The following FGF8 variants were observed in gnomAD, a reference collection of about 807,000 sequenced individuals.
The protein encoded by FGF8 is androgen-induced growth factor.
Under a neutral mutation model 29.7 loss-of-function variants are expected in FGF8, and 12 were observed. The ratio of observed to expected loss-of-function variants is 0.40; its 90% CI spans 0.26 to 0.65. FGF8 has a LOEUF of 0.65. Among genes scored for constraint, FGF8 ranks in the 30% least tolerant of loss-of-function variants. The pLI, the probability that FGF8 is intolerant of heterozygous loss-of-function variation, is 0.37. For missense variants in FGF8, 271 were observed against 345.1 expected, an observed-to-expected ratio of 0.79 and a Z score of 1.70; for synonymous variants, 157 against 144.4, an observed-to-expected ratio of 1.09 and a Z score of -0.63.
Position 101,775,892 on chromosome 10 carries a change from G to C in FGF8, c.9C>G (p.Ser3Arg). The part of the protein sequence containing the change: MG[S>R]PRSALSCLLL... ...ACAGGCAGCTCAGCGCGGAGCGGGGGCTGCCCATGGCGCGCGGCCCCGGGG... is the reference window on the plus strand; with the variant it reads ...ACAGGCAGCTCAGCGCGGAGCGGGGCCTGCCCATGGCGCGCGGCCCCGGGG... The change falls in exon 1 of 6, where the codon AGC (serine) becomes AGG (arginine). Residue 3 changes from serine to arginine, a missense_variant. By Grantham distance (110) the Ser-to-Arg change is moderately radical (BLOSUM62 -1). Around this residue, in one of 3 missense-constraint regions of FGF8, gnomAD observed 168 missense variants for 207.0 expected, o/e 0.81. Transcript: ENST00000320185. This position sits in a 1 kb window ranked among gnomAD's most constrained non-coding sequence, Gnocchi z 4.6. 2.3e-6 allele frequency: 3 copies of C among 1,305,394 alleles called. No homozygotes were observed. The highest frequency in any genetic ancestry group is 2.9e-6 in the Non-Finnish European group (3 of 1,035,206). The allele number at this position is 1,305,394 out of a possible 1,614,324, so 80.9% of individuals were successfully genotyped here. A position where few individuals can be genotyped will look rare whatever the true frequency, so the allele number is the denominator to read the frequency against.
At chr10:101,778,595 C>A (rs1483229045), upstream of FGF8, among the ~76,000 whole-genome samples, 1 of 152,254 alleles carries the variant, frequency 6.6e-6, no homozygotes, top group Non-Finnish European at 1.5e-5. Flanking sequence ...CTGTGCTGGA[C>A]CAGGATTCCT....
rs1244707575 is a variant in FGF8, at chr10:101,775,384, C to T, written c.70-168G>A. Among the ~76,000 whole-genome samples, 1 of 152,154 alleles carries T rather than the reference C, an allele frequency of 6.6e-6. No homozygotes were observed. The highest frequency in any genetic ancestry group is 1.5e-5 in the Non-Finnish European group (1 of 67,996). Reference sequence around the variant, plus strand: ...CCGAGGGGCGCTGAGAGGGTCTCTGCTGCAGTCACCCGGCTTCCCCTGGCA... The same window carrying T: ...CCGAGGGGCGCTGAGAGGGTCTCTGTTGCAGTCACCCGGCTTCCCCTGGCA... On this transcript the variant is annotated intron_variant, in intron 2 of 5. Coordinates refer to ENST00000320185, the MANE Select transcript of FGF8 (RefSeq NM_033163.5). The surrounding 1 kb of genome is among the most constrained non-coding windows in gnomAD (Gnocchi z 4.6).
At chr10:101,774,508 T>G (rs1250166272) in intron 4 of FGF8, among the ~76,000 whole-genome samples, 1 of 151,990 alleles carries the variant, frequency 6.6e-6, no homozygotes, top group South Asian at 2.1e-4. Context: ...TAAAGGGAGA[T>G]TCCTAGATTC....
At chr10:101,778,754 C>CGTGACTGACAGA (rs1466445520), upstream of FGF8, among the ~76,000 whole-genome samples, 12 of 152,224 alleles carry the variant, frequency 7.9e-5, no homozygotes, top group African/African-American at 2.7e-4. Context: ...TGGCACGCCC[C>CGTGACTGACAGA]GTGACTGACA....
chr10:101,771,553 C>T lies in FGF8; in HGVS notation c.354G>A (p.Glu118=). ...DGDPFAKLIV[E]TDTFGSRVRV... Reference sequence around the variant, plus strand: ...GAACTCTGCTTCCAAAGGTGTCCGTCTCCACGATGAGCTTTGCTGTCAGAG... The same window carrying T: ...GAACTCTGCTTCCAAAGGTGTCCGTTTCCACGATGAGCTTTGCTGTCAGAG... The change falls in exon 5 of 6, where the codon GAG becomes GAA. Residue 118 remains glutamate, a synonymous_variant. Coordinates refer to ENST00000320185, the MANE Select transcript of FGF8 (RefSeq NM_033163.5). This position sits in a 1 kb window ranked among gnomAD's most constrained non-coding sequence, Gnocchi z 5.3. 6.2e-7 allele frequency: 1 copy of T among 1,614,146 alleles called. No homozygotes were observed. The highest frequency in any genetic ancestry group is 2.2e-5 in the East Asian group (1 of 44,878).
rs1319617730 is a variant in FGF8 at position 101,775,904 on chromosome 10, G to A, written c.-4C>T. The A allele has an allele frequency of 3.1e-6, 4 of 1,271,292 alleles. No individual in the cohort carries two copies. Among genetic ancestry groups the A allele is most frequent in the South Asian group, 2.9e-5 (1 of 34,988 alleles). 78.8% of individuals were successfully genotyped at this position (1,271,292 alleles called of 1,614,324 possible). ...GCGCGGAGCGGGGGCTGCCCATGGC[G>A]CGCGGCCCCGGGGCACCGAGAGCCC... On this transcript the variant is annotated 5_prime_UTR_variant, in exon 1 of 6. Transcript: ENST00000320185. This position sits in a 1 kb window ranked among gnomAD's most constrained non-coding sequence, Gnocchi z 4.6.
upstream of FGF8, among the ~76,000 whole-genome samples, chr10:101,776,805 C>T (rs1321034695): frequency 6.6e-6 from 1 of 151,874 alleles, no homozygotes; most frequent in Non-Finnish European, 1.5e-5. Context: ...AAATGCCTCC[C>T]CCTCCCCCCA....
In FGF8 at chr10:101,771,625, A is replaced by G; in HGVS notation, c.338-56T>C. ...GCAGATCCCTGACCCCAGCTGGCCC[A>G]CACACTTGTCACAGCCCAGCAGCAA... is the stretch of plus-strand genomic sequence containing the variant. On this transcript the variant is annotated intron_variant, in intron 4 of 5. Transcript: ENST00000320185. This position sits in a 1 kb window ranked among gnomAD's most constrained non-coding sequence, Gnocchi z 5.3. The G allele has an allele frequency of 7.1e-7, 1 of 1,418,280 alleles. No homozygotes were observed. Among genetic ancestry groups the G allele is most frequent in the Non-Finnish European group, 1.0e-6 (1 of 1,004,488 alleles). 87.9% of individuals were successfully genotyped at this position (1,418,280 alleles called of 1,614,324 possible). A position where few individuals can be genotyped will look rare whatever the true frequency, so the allele number is the denominator to read the frequency against.
At chr10:101,776,493 G>A (rs1331036941), upstream of FGF8, among the ~76,000 whole-genome samples, 1 of 151,908 alleles carries the variant, frequency 6.6e-6, no homozygotes, top group Non-Finnish European at 1.5e-5. Flanking sequence ...CTGCGGGCCG[G>A]GAGACCCCGA....
At position 101,772,484 on chromosome 10, in the gene FGF8, A is replaced by G. The variant is rs1181553703; in HGVS notation, c.338-915T>C. Among the ~76,000 whole-genome samples the G allele has an allele frequency of 6.6e-6, 1 of 152,028 alleles. No individual in the cohort carries two copies. The highest frequency in any genetic ancestry group is 2.4e-5 in the African/African-American group (1 of 41,388). On this transcript the variant is annotated intron_variant, in intron 4 of 5. Transcript: ENST00000320185. The surrounding 1 kb of genome is among the most constrained non-coding windows in gnomAD (Gnocchi z 4.4). ...CCTCCCCTTAGACAGCCAACTTGCC[A>G]CAGAAGCCTGTCCTGTTCACCTCTC...
upstream of FGF8, among the ~76,000 whole-genome samples, chr10:101,778,373 C>A (rs1340699816): frequency 6.6e-6 from 1 of 152,220 alleles, no homozygotes; most frequent in African/African-American, 2.4e-5. Flanking sequence ...TGGGTACCTG[C>A]CCCTCCCTGG....
At chr10:101,770,746 C>T in intron 5 of FGF8, 127 bp from the exon 6 acceptor site, 1 of 994,554 alleles carries the variant, frequency 1.0e-6, no homozygotes, top group South Asian at 1.4e-5. Flanking sequence ...AGCCCCACCC[C>T]CTGCCTGGGC....
chr10:101,776,383 G>A (rs1193196788), upstream of FGF8, among the ~76,000 whole-genome samples: 1 of 151,096 alleles, frequency 6.6e-6, no homozygotes, highest in Admixed American at 6.6e-5. Context: ...GGAGGGGCGG[G>A]GGCGGCCGGT....
In FGF8 at chr10:101,775,482, G is replaced by A. The variant is rs2065076651; in HGVS notation, c.69+258C>T. ...GGTGTTCCCTATGCCCCCAGCCGGC[G>A]AGGATGCATGGGGGACAGTGCTGGG... On this transcript the variant is annotated intron_variant, in intron 2 of 5. Coordinates refer to ENST00000320185, the MANE Select transcript of FGF8 (RefSeq NM_033163.5). This position sits in a 1 kb window ranked among gnomAD's most constrained non-coding sequence, Gnocchi z 4.6. 2 of 603,890 alleles carry A rather than the reference G, an allele frequency of 3.3e-6. No individual in the cohort carries two copies. Among genetic ancestry groups the A allele is most frequent in the South Asian group, 2.0e-5 (1 of 50,580 alleles). 37.4% of individuals were successfully genotyped at this position (603,890 alleles called of 1,614,324 possible).
In FGF8 at chr10:101,775,910, C is replaced by T. The variant is rs2065084972; in HGVS notation, c.-10G>A. On this transcript the variant is annotated 5_prime_UTR_variant, in exon 1 of 6. Transcript: ENST00000320185. This position sits in a 1 kb window ranked among gnomAD's most constrained non-coding sequence, Gnocchi z 4.6. ...AGCGGGGGCTGCCCATGGCGCGCGG[C>T]CCCGGGGCACCGAGAGCCCGGCGGG... 1 of 1,238,670 alleles carries T rather than the reference C, an allele frequency of 8.1e-7. No homozygotes were observed. The highest frequency in any genetic ancestry group is 1.0e-6 in the Non-Finnish European group (1 of 996,376). 76.7% of individuals were successfully genotyped at this position (1,238,670 alleles called of 1,614,324 possible). A position where few individuals can be genotyped will look rare whatever the true frequency, so the allele number is the denominator to read the frequency against.
At position 101,775,007 on chromosome 10, in the gene FGF8, C is replaced by T. The variant is rs188846574; in HGVS notation, c.157-95G>A. The T allele has an allele frequency of 3.4e-4, 519 of 1,528,990 alleles. 2 individuals carry two copies. In the African/African-American group the frequency reaches 6.1e-3, roughly 18 times the overall value. 94.7% of individuals were successfully genotyped at this position (1,528,990 alleles called of 1,614,324 possible). On this transcript the variant is annotated intron_variant, in intron 3 of 5. Coordinates refer to ENST00000320185, the MANE Select transcript of FGF8 (RefSeq NM_033163.5). This position sits in a 1 kb window ranked among gnomAD's most constrained non-coding sequence, Gnocchi z 4.6. ...ATCACCCTGCGTCCCCCTCACTGCC[C>T]CAAGCCGCCAGCAGGTGCTGGGGGT...
chr10:101,775,828 C>CGCGGGGG lies in FGF8; in HGVS notation c.32+34_32+40dup, dbSNP rs1413657199. The CGCGGGGG allele has an allele frequency of 8.1e-7, 1 of 1,232,228 alleles. No homozygotes were observed. Among genetic ancestry groups the CGCGGGGG allele is most frequent in the Non-Finnish European group, 1.1e-6 (1 of 904,752 alleles). The allele number at this position is 1,232,228 out of a possible 1,614,324, so 76.3% of individuals were successfully genotyped here. On this transcript the variant is annotated intron_variant, in intron 1 of 5. Coordinates refer to ENST00000320185, the MANE Select transcript of FGF8 (RefSeq NM_033163.5). The surrounding 1 kb of genome is among the most constrained non-coding windows in gnomAD (Gnocchi z 4.6). The stretch of plus-strand genomic sequence containing the variant: ...AGAGAGGCGCGGGTGAGGCGAGGGG[C>CGCGGGGG]GCGGGGGGCGGGTGGCGGGGCAGGG...
intron 5 of FGF8, 57 bp from the exon 6 acceptor site, chr10:101,770,676 G>C: frequency 1.9e-6 from 3 of 1,589,424 alleles, no homozygotes; most frequent in Non-Finnish European, 2.6e-6. Context: ...GAGGCAGAGG[G>C]CGAGCGGCCC....
intron 4 of FGF8, among the ~76,000 whole-genome samples, chr10:101,774,493 A>G (rs977886679): frequency 1.3e-5 from 2 of 151,278 alleles, no homozygotes; most frequent in Non-Finnish European, 2.9e-5. Context: ...TGAAGGGGGG[A>G]GGTGTAAAGG....
Sources: gnomAD v4.1 joint callset for allele counts (sites outside exome capture counted in the v4.1 genomes callset) on GRCh38, gnomAD v4.1.1 for gene constraint, gnomAD v4.1.1 regional missense constraint, Gnocchi (gnomAD v3.1) non-coding constraint, MANE v1.5 for transcripts, NCBI Gene and HGNC (gene_info 2026-07-23, HGNC 2026-07-21) for gene names.